The following KLF8 variants were observed in gnomAD, a reference collection of about 807,000 sequenced individuals.
KLF8 encodes the protein Krueppel-like factor 8.
A neutral mutation model predicts 18.2 loss-of-function variants in KLF8; 10 were observed. That is an observed-to-expected ratio of 0.55 (90% CI 0.34 to 0.93). KLF8 has a LOEUF of 0.93. KLF8 is among the 40% of genes least tolerant of loss of function. The pLI is 0.02. For missense variants in KLF8, 264 were observed against 277.9 expected, an observed-to-expected ratio of 0.95 and a Z score of 0.36; for synonymous variants, 109 against 97.3, an observed-to-expected ratio of 1.12 and a Z score of -0.71.
chrX:56,242,370 G>A (rs551235544), intron 1 of KLF8, among the ~76,000 whole-genome samples: 1 of 111,958 alleles, frequency 8.9e-6, no homozygotes, highest in African/African-American at 3.2e-5. Flanking sequence ...TACATCTTAA[G>A]TATGTGACCG....
the KLF8 span, among the ~76,000 whole-genome samples, chrX:56,223,706 GATT>G: frequency 8.9e-6 from 1 of 111,956 alleles, no homozygotes; most frequent in African/African-American, 3.2e-5. Context: ...TACAAAATGT[GATT>G]ATTATTACTA....
At chrX:55,950,420 G>T in the KLF8 span, among the ~76,000 whole-genome samples, 1 of 111,321 alleles carries the variant, frequency 9.0e-6, no homozygotes, top group African/African-American at 3.3e-5. Context: ...AACAGACCCG[G>T]ATTCAAGTAT....
the KLF8 span, among the ~76,000 whole-genome samples, chrX:55,925,552 A>G: frequency 3.6e-5 from 4 of 111,688 alleles, 1 homozygote; most frequent in Admixed American, 2.9e-4. Flanking sequence ...TGCTGTAAAC[A>G]TATTTATGAT....
chrX:56,060,417 G>A, the KLF8 span, among the ~76,000 whole-genome samples: 3 of 111,593 alleles, frequency 2.7e-5, no homozygotes, highest in Admixed American at 2.9e-4. Flanking sequence ...TTTATTGAAG[G>A]CCTTTTCTGC....
At chrX:55,941,843 C>T in the KLF8 span, among the ~76,000 whole-genome samples, 3 of 111,391 alleles carry the variant, frequency 2.7e-5, no homozygotes, top group Non-Finnish European at 3.8e-5. Flanking sequence ...GTTAGAATGA[C>T]GATCATTAAA....
At chrX:56,147,250 C>G in the KLF8 span, among the ~76,000 whole-genome samples, 2 of 111,433 alleles carry the variant, frequency 1.8e-5, no homozygotes, top group Non-Finnish European at 3.8e-5. Flanking sequence ...ACGGAAAGAG[C>G]ATAAAAGAAA....
chrX:56,068,131 C>T, the KLF8 span, among the ~76,000 whole-genome samples: 1 of 112,224 alleles, frequency 8.9e-6, no homozygotes, highest in African/African-American at 3.2e-5. Flanking sequence ...GCACATGACC[C>T]CATCCAGCCA....
chrX:56,248,003 T>C (rs1179709421), intron 1 of KLF8, among the ~76,000 whole-genome samples: 1 of 111,289 alleles, frequency 9.0e-6, no homozygotes, highest in African/African-American at 3.3e-5. Flanking sequence ...TCACCACAAA[T>C]ACATGAGTAA....
At chrX:56,026,417 A>C in the KLF8 span, among the ~76,000 whole-genome samples, 1 of 111,816 alleles carries the variant, frequency 8.9e-6, no homozygotes, top group Non-Finnish European at 1.9e-5. Flanking sequence ...GAGTACCCGG[A>C]AGTCCTCGCA....
At chrX:56,209,649 G>T in the KLF8 span, among the ~76,000 whole-genome samples, 1 of 110,933 alleles carries the variant, frequency 9.0e-6, no homozygotes, top group Non-Finnish European at 1.9e-5. Context: ...AGTAAATAAG[G>T]ACTTACTTTG....
chrX:56,233,252 C>G lies in KLF8; in HGVS notation c.-83C>G, dbSNP rs1399824891. On this transcript the variant is annotated 5_prime_UTR_variant, in exon 1 of 6. Transcript: ENST00000468660. ...AATGGGGCGGGTGTGAGGGGAACAGCTCTCTTGCGATCAGCTCAGGAGTAT... is the reference window on the plus strand; with the variant it reads ...AATGGGGCGGGTGTGAGGGGAACAGGTCTCTTGCGATCAGCTCAGGAGTAT... 8.6e-7 allele frequency: 1 copy of G among 1,158,504 alleles called. No homozygotes were observed. Among genetic ancestry groups the G allele is most frequent in the Non-Finnish European group, 1.2e-6 (1 of 849,129 alleles).
the KLF8 span, among the ~76,000 whole-genome samples, chrX:55,920,175 A>G: frequency 2.7e-5 from 3 of 111,435 alleles, no homozygotes; most frequent in Non-Finnish European, 3.8e-5. Flanking sequence ...AACAATTACT[A>G]CAGTTCCTCT....
At chrX:56,035,980 T>C in the KLF8 span, among the ~76,000 whole-genome samples, 2 of 112,320 alleles carry the variant, frequency 1.8e-5, no homozygotes, top group Non-Finnish European at 3.8e-5. Context: ...TAGTTTGATA[T>C]AATACTATTT....
chrX:56,047,535 G>A, the KLF8 span, among the ~76,000 whole-genome samples: 4 of 108,735 alleles, frequency 3.7e-5, no homozygotes, highest in South Asian at 8.1e-4. Flanking sequence ...TTGTCCTTGC[G>A]ATAGTTTCCT....
the KLF8 span, among the ~76,000 whole-genome samples, chrX:55,917,744 C>A: frequency 3.6e-5 from 4 of 111,870 alleles, no homozygotes; most frequent in East Asian, 2.8e-4. Flanking sequence ...AGAGGGCTGG[C>A]TTCTGAGTGC....
At chrX:55,989,263 G>A in the KLF8 span, among the ~76,000 whole-genome samples, 1 of 111,927 alleles carries the variant, frequency 8.9e-6, no homozygotes, top group African/African-American at 3.3e-5. Flanking sequence ...GTGAGAGAGG[G>A]CATCCCTGTC....
chrX:56,114,596 G>A, the KLF8 span, among the ~76,000 whole-genome samples: 4 of 112,670 alleles, frequency 3.6e-5, no homozygotes, highest in East Asian at 5.5e-4. Flanking sequence ...TGGAATGACC[G>A]TCCTCATATT....
At chrX:55,992,867 A>G in the KLF8 span, among the ~76,000 whole-genome samples, 1 of 111,112 alleles carries the variant, frequency 9.0e-6, no homozygotes, top group Non-Finnish European at 1.9e-5. Context: ...GCTATTGTGA[A>G]TAGGCTGGGG....
At chrX:55,946,814 A>G in the KLF8 span, among the ~76,000 whole-genome samples, 1 of 111,358 alleles carries the variant, frequency 9.0e-6, no homozygotes, top group South Asian at 3.8e-4. Flanking sequence ...ACCCCATCAA[A>G]AAGTGGGCAA....
Sources: allele counts gnomAD v4.1 joint callset (sites outside exome capture counted in the v4.1 genomes callset), GRCh38; gene constraint gnomAD v4.1.1; transcripts MANE v1.5; gene names NCBI Gene and HGNC (gene_info 2026-07-23, HGNC 2026-07-21).